The following IRF8 variants were observed in gnomAD, a reference collection of about 807,000 sequenced individuals.
IRF8 encodes the protein interferon regulatory factor 8, also known as interferon consensus sequence binding protein 1.
IRF8 carries 14 observed loss-of-function variants against 48.7 expected under a neutral mutation model. The observed-to-expected ratio is 0.29, with a 90% CI of 0.19 to 0.45. The LOEUF (loss-of-function observed/expected upper bound fraction) is 0.45. Ranked by LOEUF, IRF8 falls within the 20% of genes least tolerant of loss-of-function variation. IRF8 has a pLI of 1.00. For synonymous variants in IRF8, 278 were observed against 227.3 expected, an observed-to-expected ratio of 1.22 and a Z score of -2.01; for missense variants, 493 against 580.7, an observed-to-expected ratio of 0.85 and a Z score of 1.55.
At chr16:85,913,651 C>G (rs1298219583) in intron 5 of IRF8, among the ~76,000 whole-genome samples, 1 of 152,228 alleles carries the variant, frequency 6.6e-6, no homozygotes, top group Non-Finnish European at 1.5e-5. Context: ...CCCTCAGAAC[C>G]AAAGAGAGCC....
intron 1 of IRF8, chr16:85,900,993 T>C (rs758102649): frequency 1.3e-5 from 2 of 152,306 alleles, no homozygotes; most frequent in African/African-American, 2.4e-5. Context: ...GAGTTGAAAG[T>C]CTCAGAAGCC....
Position 85,920,127 on chromosome 16 carries a change from A to G in IRF8, c.1007A>G (p.Asn336Ser). The G allele has an allele frequency of 6.2e-7, 1 of 1,613,860 alleles. No individual in the cohort carries two copies. Among genetic ancestry groups the G allele is most frequent in the Non-Finnish European group, 8.5e-7 (1 of 1,179,878 alleles). The change falls in exon 8 of 9, where the codon AAC (asparagine) becomes AGC (serine). Residue 336 changes from asparagine to serine, a missense_variant. By Grantham distance (46) the Asn-to-Ser change is conservative (BLOSUM62 1). This residue lies in a region of IRF8 where 408 missense variants were observed against 449.6 expected (regional missense o/e 0.91). Transcript: ENST00000268638. ...QFFRELQQFY[N>S]SQGRLPDGRV... is the part of the protein sequence containing the mutation. The stretch of plus-strand genomic sequence containing the variant: ...ATTCCAGAGCTGCAGCAGTTCTATA[A>G]CAGCCAGGGCCGGCTTCCTGACGGC...
At chr16:85,908,644 G>A (rs1905065877) in intron 2 of IRF8, among the ~76,000 whole-genome samples, 1 of 152,168 alleles carries the variant, frequency 6.6e-6, no homozygotes, top group Non-Finnish European at 1.5e-5. Flanking sequence ...CTTCCTCTTT[G>A]TGCTGTGTAA....
intron 1 of IRF8, among the ~76,000 whole-genome samples, chr16:85,899,468 A>G (rs1005303271): frequency 2.0e-5 from 3 of 152,226 alleles, no homozygotes; most frequent in African/African-American, 4.8e-5. Flanking sequence ...GCCTTTTTAA[A>G]AATCTCATTT....
chr16:85,913,244 TG>T lies in IRF8; in HGVS notation c.553+11del, dbSNP rs1209690701. 1 of 1,603,060 alleles carries T rather than the reference TG, an allele frequency of 6.2e-7. No homozygotes were observed. Among genetic ancestry groups the T allele is most frequent in the East Asian group, 2.2e-5 (1 of 44,856 alleles). ...CGCAGCAGCCCAGCACAGGTGAGGG[TG>T]GGTGGCCTAGAATTGTCACCAGGCA... On this transcript the variant is annotated intron_variant, in intron 5 of 8. Transcript: ENST00000268638.
rs769456462 is a variant in IRF8, at chr16:85,913,191, C to G, written c.508C>G (p.Arg170Gly). 210 of 1,613,964 alleles carry G rather than the reference C, an allele frequency of 1.3e-4. No homozygotes were observed. The highest frequency in any genetic ancestry group is 1.7e-4 in the Non-Finnish European group (206 of 1,179,996). Residue 170 changes from arginine (R) to glycine (G), a missense_variant, in exon 5 of 9, where the codon CGG becomes GGG. Physicochemically the swap from Arg to Gly is moderately radical, Grantham distance 125 (BLOSUM62 -2). Coordinates refer to ENST00000268638, the MANE Select transcript of IRF8 (RefSeq NM_002163.4). ...GAGCCCTTCCCCGCCGGAGGCCTGT[C>G]GGAGTCAGCTCCTTCCAGACTGGTG... ...KRSPSPPEAC[R>G]SQLLPDWWAQ...
intron 6 of IRF8, among the ~76,000 whole-genome samples, chr16:85,917,738 C>G (rs976089196): frequency 6.6e-6 from 1 of 152,182 alleles, no homozygotes; most frequent in Admixed American, 6.5e-5. Context: ...TTGAGGTAAT[C>G]AGAGGTTGGA....
chr16:85,913,143 G>A lies in IRF8; in HGVS notation c.460G>A (p.Asp154Asn), dbSNP rs139986397. ...CCTGACTGTGCAGCCTTCTGTGGAC[G>A]ATTACATGGGGATGATCAAAAGGAG... ...DELIKEPSVD[D>N]YMGMIKRSPS... is the part of the protein sequence containing the mutation. Residue 154 changes from aspartate (D) to asparagine (N), a missense_variant, in exon 5 of 9, where the codon GAT becomes AAT. Asp to Asn is a conservative substitution (Grantham distance 23, BLOSUM62 1). Coordinates refer to ENST00000268638, the MANE Select transcript of IRF8 (RefSeq NM_002163.4). 4.1e-5 allele frequency: 66 copies of A among 1,613,964 alleles called. No individual in the cohort carries two copies. In the East Asian group the frequency reaches 5.6e-4, roughly 14 times the overall value.
At chr16:85,903,242 A>C in intron 2 of IRF8, 53 bp downstream of exon 2, 3 of 1,475,998 alleles carry the variant, frequency 2.0e-6, no homozygotes, top group Non-Finnish European at 2.8e-6. Flanking sequence ...CCTTTCCCTC[A>C]TGGACTAGTG....
Position 85,921,329 on chromosome 16 carries a change from C to A in IRF8, c.*47C>A, listed in dbSNP as rs752783266. 7 of 1,586,908 alleles carry A rather than the reference C, an allele frequency of 4.4e-6. No homozygotes were observed. The highest frequency in any genetic ancestry group is 6.0e-6 in the Non-Finnish European group (7 of 1,160,674). On this transcript the variant is annotated 3_prime_UTR_variant, in exon 9 of 9. Coordinates refer to ENST00000268638, the MANE Select transcript of IRF8 (RefSeq NM_002163.4). ...CCCCGTCTGCGTCCTGCATCCATCT[C>A]CCTGTTACAGTGGCCCGCATCATGA...
Position 85,911,633 on chromosome 16 carries a change from C to T in IRF8, c.422C>T (p.Ser141Phe), listed in dbSNP as rs1412937994. 1.2e-6 allele frequency: 2 copies of T among 1,614,038 alleles called. No homozygotes were observed. The highest frequency in any genetic ancestry group is 2.2e-5 in the South Asian group (2 of 91,048). Reference protein sequence around the residue: ...NEVTEMECGRSEIDELIKEPS... With the variant: ...NEVTEMECGRFEIDELIKEPS... ...GTTACAGAGATGGAGTGCGGTCGCTCTGAAATCGACGAGCTGATCAAGGAG... is the reference window on the plus strand; with the variant it reads ...GTTACAGAGATGGAGTGCGGTCGCTTTGAAATCGACGAGCTGATCAAGGAG... The change falls in exon 4 of 9, where the codon TCT becomes TTT. Residue 141 changes from serine to phenylalanine, a missense_variant. Transcript: ENST00000268638.
intron 1 of IRF8, chr16:85,900,824 G>A (rs1296827921): frequency 1.3e-5 from 2 of 152,162 alleles, no homozygotes; most frequent in Admixed American, 6.5e-5. Flanking sequence ...TAGTTGTCCT[G>A]AACAGTTTAG....
rs1905616248 is a variant in IRF8, at chr16:85,922,458, A to G, written c.*1176A>G. 6.6e-6 allele frequency: 1 copy of G among 152,390 alleles called. No individual in the cohort carries two copies. The highest frequency in any genetic ancestry group is 1.5e-5 in the Non-Finnish European group (1 of 68,040). 9.4% of individuals were successfully genotyped at this position (152,390 alleles called of 1,614,324 possible). A position where few individuals can be genotyped will look rare whatever the true frequency, so the allele number is the denominator to read the frequency against. On this transcript the variant is annotated 3_prime_UTR_variant, in exon 9 of 9. Coordinates refer to ENST00000268638, the MANE Select transcript of IRF8 (RefSeq NM_002163.4). ...GGCAGACCTGTTTGCTGAAGTGTTCATAAGATAACAATAGGCTTGAATCTC... is the reference window on the plus strand; with the variant it reads ...GGCAGACCTGTTTGCTGAAGTGTTCGTAAGATAACAATAGGCTTGAATCTC...
chr16:85,911,782 G>A, intron 4 of IRF8, 124 bp downstream of exon 4: 1 of 767,248 alleles, frequency 1.3e-6, no homozygotes, highest in East Asian at 2.8e-5. Context: ...TGAGGAAGTG[G>A]CATCTCCACC....
intron 5 of IRF8, chr16:85,913,921 G>C (rs8047999): frequency 0.46 from 79,437 of 173,846 alleles, 18,589 homozygotes; most frequent in Middle Eastern, 0.53. Context: ...TTCTGCAGCC[G>C]GTGAATGTGT....
intron 6 of IRF8, 184 bp from the exon 7 acceptor site, chr16:85,918,233 G>A (rs1905384249): frequency 1.6e-6 from 1 of 637,028 alleles, no homozygotes; most frequent in Admixed American, 3.1e-5. Context: ...GTCATTCTGT[G>A]TATTTATTCA....
At chr16:85,911,980 T>C (rs1905159398) in intron 4 of IRF8, among the ~76,000 whole-genome samples, 1 of 152,238 alleles carries the variant, frequency 6.6e-6, no homozygotes, top group Non-Finnish European at 1.5e-5. Context: ...GTCTTTTAAA[T>C]GGCATCGTGA....
intron 6 of IRF8, among the ~76,000 whole-genome samples, chr16:85,916,036 C>T (rs1354203437): frequency 6.6e-6 from 1 of 152,146 alleles, no homozygotes; most frequent in East Asian, 1.9e-4. Context: ...GCCCTGGGCA[C>T]AGCACCTGAT....
In IRF8 at chr16:85,914,534, C is replaced by T. The variant is rs373421618; in HGVS notation, c.601+14C>T. ...CGCACCATTCAGGTACGGGGTGGTC[C>T]GGGCTGAGAGGGGCGTGGGCACTGT... On this transcript the variant is annotated intron_variant, in intron 6 of 8. Coordinates refer to ENST00000268638, the MANE Select transcript of IRF8 (RefSeq NM_002163.4). The T allele has an allele frequency of 8.3e-5, 134 of 1,613,940 alleles. No individual in the cohort carries two copies. In the Admixed American group the frequency reaches 1.7e-3, roughly 21 times the overall value.
Sources: gnomAD v4.1 joint callset for allele counts (sites outside exome capture counted in the v4.1 genomes callset) on GRCh38, gnomAD v4.1.1 for gene constraint, gnomAD v4.1.1 regional missense constraint, MANE v1.5 for transcripts, NCBI Gene and HGNC (gene_info 2026-07-23, HGNC 2026-07-21) for gene names.